CNIH3: variants seen among roughly 807,000 people sequenced by gnomAD.
CNIH3 encodes cornichon family AMPA receptor auxiliary protein 3, also known as protein cornichon homolog 3.
CNIH3 carries 14 observed loss-of-function variants against 24.1 expected under a neutral mutation model. That is an observed-to-expected ratio of 0.58 (90% CI 0.38 to 0.91). CNIH3 has a LOEUF of 0.91. Among genes scored for constraint, CNIH3 ranks in the 40% least tolerant of loss-of-function variants. The pLI is 0.00. For synonymous variants in CNIH3, 68 were observed against 73.8 expected, an observed-to-expected ratio of 0.92 and a Z score of 0.40; for missense variants, 178 against 196.8, an observed-to-expected ratio of 0.90 and a Z score of 0.57.
At chr1:224,613,884 G>GTT (rs916069469), upstream of CNIH3, among the ~76,000 whole-genome samples, 1 of 143,892 alleles carries the variant, frequency 6.9e-6, no homozygotes, top group Non-Finnish European at 1.5e-5. Context: ...TCAGGTTTTT[G>GTT]TTTTTTTTTT....
intron 1 of CNIH3, among the ~76,000 whole-genome samples, chr1:224,670,672 T>C (rs1191116475): frequency 2.0e-5 from 3 of 152,214 alleles, no homozygotes; most frequent in Non-Finnish European, 4.4e-5. Flanking sequence ...CTTCCTAAGA[T>C]GAGTGTGTGC....
At chr1:224,534,133 C>G (rs1305778623) in intron 2 of CNIH3, among the ~76,000 whole-genome samples, 1 of 152,200 alleles carries the variant, frequency 6.6e-6, no homozygotes, top group Non-Finnish European at 1.5e-5. Flanking sequence ...CCACTGCACT[C>G]TAGCCTGGGT....
chr1:224,564,666 T>A (rs1261843674), intron 3 of CNIH3, among the ~76,000 whole-genome samples: 1 of 152,246 alleles, frequency 6.6e-6, no homozygotes, highest in African/African-American at 2.4e-5. Flanking sequence ...GGGGTTTACA[T>A]GCTTTGGAGG....
At chr1:224,675,393 T>G (rs2125135955) in intron 1 of CNIH3, among the ~76,000 whole-genome samples, 1 of 152,328 alleles carries the variant, frequency 6.6e-6, no homozygotes, top group South Asian at 2.1e-4. Context: ...CTCTGTGATC[T>G]TAGAAGTTCT....
intron 3 of CNIH3, among the ~76,000 whole-genome samples, chr1:224,602,509 T>C (rs1291543907): frequency 6.6e-6 from 1 of 152,228 alleles, no homozygotes; most frequent in South Asian, 2.1e-4. Context: ...TAGAATGTGA[T>C]TGCCATTCTG....
intron 1 of CNIH3, among the ~76,000 whole-genome samples, chr1:224,492,797 T>G (rs1677283825): frequency 6.6e-6 from 1 of 152,212 alleles, no homozygotes; most frequent in South Asian, 2.1e-4. Flanking sequence ...CTCAAAAGCC[T>G]GTGCTCCGAG....
intron 3 of CNIH3, among the ~76,000 whole-genome samples, chr1:224,698,921 A>G (rs1254471056): frequency 6.6e-6 from 1 of 152,208 alleles, no homozygotes; most frequent in African/African-American, 2.4e-5. Context: ...CATGTGCTAC[A>G]TGCTTTACAA....
At chr1:224,603,394 A>T (rs1682287598) in intron 3 of CNIH3, among the ~76,000 whole-genome samples, 1 of 152,228 alleles carries the variant, frequency 6.6e-6, no homozygotes, top group African/African-American at 2.4e-5. Flanking sequence ...TTCAGTGATT[A>T]ACCTTTGTTC....
intron 2 of CNIH3, among the ~76,000 whole-genome samples, chr1:224,532,977 AATGAAGGACT>A (rs1679132598): frequency 6.6e-6 from 1 of 152,206 alleles, no homozygotes; most frequent in African/African-American, 2.4e-5. Flanking sequence ...CAAAGGGTAT[AATGAAGGACT>A]AAATAGTATC....
intron 1 of CNIH3, among the ~76,000 whole-genome samples, chr1:224,477,990 C>T (rs535606046): frequency 1.7e-4 from 26 of 152,114 alleles, no homozygotes; most frequent in Admixed American, 3.3e-4. Context: ...TCATACCACT[C>T]TCTCCTGGCC....
At chr1:224,618,986 G>A (rs537699334) in intron 1 of CNIH3, among the ~76,000 whole-genome samples, 2 of 152,330 alleles carry the variant, frequency 1.3e-5, no homozygotes, top group East Asian at 3.9e-4. Context: ...TGCTTTAAAG[G>A]AACTTTCTCA....
At chr1:224,661,275 C>G (rs558035266) in intron 1 of CNIH3, 2 of 305,252 alleles carry the variant, frequency 6.6e-6, no homozygotes, top group Admixed American at 7.5e-5. Flanking sequence ...TCTTGACAAT[C>G]CTTTTTTTAG....
intron 2 of CNIH3, among the ~76,000 whole-genome samples, chr1:224,683,427 T>G (rs898819730): frequency 6.6e-6 from 1 of 152,244 alleles, no homozygotes; most frequent in African/African-American, 2.4e-5. Context: ...ATGCCTCATT[T>G]AACTCTTCTG....
intron 3 of CNIH3, among the ~76,000 whole-genome samples, chr1:224,694,646 G>A (rs551456107): frequency 6.6e-6 from 1 of 152,286 alleles, no homozygotes; most frequent in South Asian, 2.1e-4. Context: ...GTTTATAGTA[G>A]TATAATTTGT....
Position 224,484,171 on chromosome 1 carries a change from C to CAAAAAAAAAAAAAAA in CNIH3, n.204-31569_204-31555dup, listed in dbSNP as rs35380158. 4.5e-4 allele frequency among the ~76,000 whole-genome samples: 63 copies of CAAAAAAAAAAAAAAA among 140,464 alleles called. 1 individual carries two copies. Among genetic ancestry groups the CAAAAAAAAAAAAAAA allele is most frequent in the African/African-American group, 1.6e-3 (60 of 37,198 alleles). 92.1% of individuals were successfully genotyped at this position (140,464 alleles called of 152,430 possible). Reference sequence around the variant, plus strand: ...GGGCAACAAGAGCAAAACTCTGTCTCAAAAAAAAAAAAAAATTGGGAGGCC... The same window carrying CAAAAAAAAAAAAAAA: ...GGGCAACAAGAGCAAAACTCTGTCTCAAAAAAAAAAAAAAAAAAAAAAAAAAAAAATTGGGAGGCC... On this transcript the variant is annotated intron_variant and non_coding_transcript_variant, in intron 1 of 5. Transcript: ENST00000471578.
chr1:224,638,172 G>T (rs1553279028), intron 1 of CNIH3, among the ~76,000 whole-genome samples: 1 of 152,242 alleles, frequency 6.6e-6, no homozygotes, highest in Non-Finnish European at 1.5e-5. Flanking sequence ...GGGCTAGCCT[G>T]CACCTTCCGC....
chr1:224,687,397 C>T (rs1386811527), intron 3 of CNIH3, among the ~76,000 whole-genome samples: 1 of 151,972 alleles, frequency 6.6e-6, no homozygotes, highest in East Asian at 1.9e-4. Context: ...CATGCCTGGC[C>T]GACTTTTTTA....
chr1:224,574,432 C>G, intron 4 of CNIH3: 1 of 606,572 alleles, frequency 1.6e-6, no homozygotes, highest in Non-Finnish European at 3.0e-6. Context: ...AGTGCAGCAG[C>G]CATGGCCAGC....
chr1:224,575,939 C>A (rs923375268), intron 4 of CNIH3, among the ~76,000 whole-genome samples: 8 of 152,098 alleles, frequency 5.3e-5, no homozygotes, highest in African/African-American at 1.9e-4. Flanking sequence ...CTTACTCAAG[C>A]TAGTACATAT....
Sources: allele counts gnomAD v4.1 joint callset (sites outside exome capture counted in the v4.1 genomes callset), GRCh38; gene constraint gnomAD v4.1.1; transcripts MANE v1.5; gene names NCBI Gene and HGNC (gene_info 2026-07-23, HGNC 2026-07-21).